The following KCNN1 variants were observed in gnomAD, a reference collection of about 807,000 sequenced individuals.
KCNN1 encodes potassium calcium-activated channel subfamily N member 1.
A neutral mutation model predicts 44.7 loss-of-function variants in KCNN1; 20 were observed. The observed-to-expected ratio is 0.45, with a 90% confidence interval of 0.32 to 0.65. KCNN1 has a LOEUF of 0.65. KCNN1 is among the 30% of genes least tolerant of loss of function. KCNN1 has a pLI of 0.05. For missense variants in KCNN1, 632 were observed against 785.3 expected, an observed-to-expected ratio of 0.80 and a Z score of 2.33; for synonymous variants, 324 against 341.7, an observed-to-expected ratio of 0.95 and a Z score of 0.57.
At chr19:17,971,963 A>T (rs2032038878) in intron 1 of KCNN1, 2 of 152,060 alleles carry the variant, frequency 1.3e-5, no homozygotes, top group Non-Finnish European at 2.9e-5. Context: ...GGAGCCCAGG[A>T]GTTCCAGACC....
intron 4 of KCNN1, among the ~76,000 whole-genome samples, chr19:17,984,951 A>G (rs2278991): frequency 0.19 from 28,835 of 151,792 alleles, 2,827 homozygotes; most frequent in East Asian, 0.33. Context: ...TGGCTGAGAA[A>G]GTTCTTCCTG....
chr19:17,956,101 C>A (rs1256892595), intron 2 of KCNN1, among the ~76,000 whole-genome samples: 1 of 152,116 alleles, frequency 6.6e-6, no homozygotes, highest in Non-Finnish European at 1.5e-5. Context: ...CCACGCACAG[C>A]TAATTTTTGT....
intron 3 of KCNN1, among the ~76,000 whole-genome samples, chr19:17,979,426 C>T (rs2032319886): frequency 8.1e-6 from 1 of 122,866 alleles, no homozygotes. Flanking sequence ...GAGCGAGACT[C>T]CGTCTCAAAA....
upstream of KCNN1, among the ~76,000 whole-genome samples, chr19:17,963,551 G>C (rs2031732854): frequency 6.6e-6 from 1 of 152,050 alleles, no homozygotes; most frequent in East Asian, 1.9e-4. Flanking sequence ...CCTGACCTCA[G>C]GTGATCTGCC....
Position 17,973,927 on chromosome 19 carries a change from G to T in KCNN1, c.39G>T (p.Pro13=), listed in dbSNP as rs1414071066. Residue 13 remains proline (P), a synonymous_variant, in exon 2 of 10, where the codon CCG becomes CCT. Transcript: ENST00000684775. Reference sequence around the variant, plus strand: ...GCTACAATGGCAGCGTGGGGCGGCCGCTGGGCAGCGGGCCGGGCGCCCTGG... The same window carrying T: ...GCTACAATGGCAGCGTGGGGCGGCCTCTGGGCAGCGGGCCGGGCGCCCTGG... ...SHSYNGSVGR[P]LGSGPGALGR... is the part of the protein sequence containing the mutation. The T allele has an allele frequency of 1.9e-6, 3 of 1,555,146 alleles. No individual in the cohort carries two copies. Among genetic ancestry groups the T allele is most frequent in the Non-Finnish European group, 2.6e-6 (3 of 1,151,760 alleles).
At chr19:17,996,208 A>C (rs1599383486) in intron 9 of KCNN1, among the ~76,000 whole-genome samples, 1 of 149,896 alleles carries the variant, frequency 6.7e-6, no homozygotes, top group African/African-American at 2.5e-5. Flanking sequence ...CAGGAGGCTG[A>C]GGTGGGAGGA....
chr19:17,960,545 G>A (rs1207951220), intron 2 of KCNN1, among the ~76,000 whole-genome samples: 5 of 151,862 alleles, frequency 3.3e-5, no homozygotes, highest in African/African-American at 4.8e-5. Context: ...CAGGAGAATC[G>A]CTTGAACGTG....
At chr19:17,967,376 C>T in intron 1 of KCNN1, 59 bp downstream of exon 1, 1 of 922,808 alleles carries the variant, frequency 1.1e-6, no homozygotes, top group Non-Finnish European at 1.3e-6. Context: ...TCAGGGAGCC[C>T]GAGGAGGGAG....
intron 5 of KCNN1, among the ~76,000 whole-genome samples, chr19:17,987,564 A>C (rs1000261288): frequency 6.6e-6 from 1 of 152,148 alleles, no homozygotes; most frequent in African/African-American, 2.4e-5. Context: ...CCCAGTTGAC[A>C]GGGATTTTCC....
intron 6 of KCNN1, 88 bp downstream of exon 6, chr19:17,988,613 A>G (rs1424268572): frequency 5.0e-6 from 5 of 990,202 alleles, no homozygotes; most frequent in Non-Finnish European, 7.7e-6. Context: ...CGTGCCGGGC[A>G]TGCTCATGTG....
At chr19:17,955,562 CAAAAAAA>C (rs58125650) in intron 2 of KCNN1, among the ~76,000 whole-genome samples, 15 of 54,232 alleles carry the variant, frequency 2.8e-4, no homozygotes, top group African/African-American at 9.8e-4. Flanking sequence ...ACTCCATCTC[CAAAAAAA>C]AAAAAAAAAA....
chr19:17,989,226 G>T (rs2032705047), intron 6 of KCNN1, among the ~76,000 whole-genome samples: 1 of 152,156 alleles, frequency 6.6e-6, no homozygotes, highest in African/African-American at 2.4e-5. Flanking sequence ...AGGAGGCCGA[G>T]GCGGGCGGAT....
intron 2 of KCNN1, among the ~76,000 whole-genome samples, chr19:17,960,630 CAAAAA>C: frequency 6.7e-6 from 1 of 149,462 alleles, no homozygotes; most frequent in East Asian, 2.0e-4. Context: ...AACTCTGTCT[CAAAAA>C]AAAGAAAAGA....
intron 1 of KCNN1, among the ~76,000 whole-genome samples, chr19:17,971,392 A>G (rs1403173629): frequency 2.0e-5 from 3 of 152,142 alleles, no homozygotes; most frequent in African/African-American, 7.2e-5. Context: ...TTGTTGGGAA[A>G]ATCTCACAAA....
Position 17,998,489 on chromosome 19 carries a change from T to TGG in KCNN1, c.*84_*85dup. 7.5e-7 allele frequency: 1 copy of TGG among 1,338,560 alleles called. No homozygotes were observed. The highest frequency in any genetic ancestry group is 1.5e-5 in the South Asian group (1 of 65,020). The allele number at this position is 1,338,560 out of a possible 1,614,324, so 82.9% of individuals were successfully genotyped here. A position where few individuals can be genotyped will look rare whatever the true frequency, so the allele number is the denominator to read the frequency against. On this transcript the variant is annotated 3_prime_UTR_variant, in exon 10 of 10. Coordinates refer to ENST00000684775, the MANE Select transcript of KCNN1 (RefSeq NM_001386974.1). This position sits in a 1 kb window ranked among gnomAD's most constrained non-coding sequence, Gnocchi z 5.4. The stretch of plus-strand genomic sequence containing the variant: ...GGAAGCCTTGTACAGTGGCGCCTCT[T>TGG]GGAGTTCAAGAAGCCAACGCTGAGT...
At chr19:17,956,755 G>A (rs1449380199) in intron 2 of KCNN1, among the ~76,000 whole-genome samples, 2 of 151,636 alleles carry the variant, frequency 1.3e-5, no homozygotes, top group African/African-American at 2.4e-5. Context: ...GAAAGAAAGC[G>A]AGAAAGAGAG....
chr19:17,967,167 GCCCCCGGCCCCGCCGC>G lies in KCNN1; in HGVS notation c.-227_-212del. On this transcript the variant is annotated 5_prime_UTR_variant, in exon 1 of 10. It introduces an in-frame stop codon into an upstream open reading frame of the 5' UTR. Transcript: ENST00000684775. ...GGCGGGGGATGCGCCTGCCGCCGCCGCCCCCGGCCCCGCCGCCCCCGGGCCCCGCGCCCGCTCGCTG... is the reference window on the plus strand; with the variant it reads ...GGCGGGGGATGCGCCTGCCGCCGCCGCCCCGGGCCCCGCGCCCGCTCGCTG... The G allele has an allele frequency of 1.8e-5, 17 of 945,528 alleles. No individual in the cohort carries two copies. The highest frequency in any genetic ancestry group is 2.0e-5 in the Non-Finnish European group (16 of 796,068). 58.6% of individuals were successfully genotyped at this position (945,528 alleles called of 1,614,324 possible).
At position 17,993,316 on chromosome 19, in the gene KCNN1, C is replaced by T. The variant is rs1484929169; in HGVS notation, c.1308-174C>T. The stretch of plus-strand genomic sequence containing the variant: ...CAGGCTGACTTCTGGCCCTGGCGCA[C>T]CGGCTGTGTACTGGGAGGGAATAGA... On this transcript the variant is annotated intron_variant, in intron 8 of 9. Coordinates refer to ENST00000684775, the MANE Select transcript of KCNN1 (RefSeq NM_001386974.1). The surrounding 1 kb of genome is among the most constrained non-coding windows in gnomAD (Gnocchi z 4.5). Among the ~76,000 whole-genome samples the T allele has an allele frequency of 6.6e-6, 1 of 152,146 alleles. No homozygotes were observed. The highest frequency in any genetic ancestry group is 6.5e-5 in the Admixed American group (1 of 15,270).
chr19:17,974,053 A>G lies in KCNN1; in HGVS notation c.165A>G (p.Ser55=). ...VVAKSEPARP[S]PGSPRGQPQD... ...CCAAGAGTGAGCCAGCCCGGCCCTCACCCGGCAGCCCCCGGGGGCAGCCCC... is the reference window on the plus strand; with the variant it reads ...CCAAGAGTGAGCCAGCCCGGCCCTCGCCCGGCAGCCCCCGGGGGCAGCCCC... The change falls in exon 2 of 10, where the codon TCA becomes TCG. Residue 55 remains serine (S), a synonymous_variant. Transcript: ENST00000684775. This position sits in a 1 kb window ranked among gnomAD's most constrained non-coding sequence, Gnocchi z 7.3. 1 of 1,610,708 alleles carries G rather than the reference A, an allele frequency of 6.2e-7. No individual in the cohort carries two copies. Among genetic ancestry groups the G allele is most frequent in the Non-Finnish European group, 8.5e-7 (1 of 1,179,444 alleles).
Sources: allele counts gnomAD v4.1 joint callset (sites outside exome capture counted in the v4.1 genomes callset), GRCh38; gene constraint gnomAD v4.1.1; non-coding constraint Gnocchi (gnomAD v3.1); transcripts MANE v1.5; gene names NCBI Gene and HGNC (gene_info 2026-07-23, HGNC 2026-07-21).